ACYP2: variants seen among roughly 807,000 people sequenced by gnomAD.
ACYP2 encodes the protein acylphosphatase 2.
A neutral mutation model predicts 11.2 loss-of-function variants in ACYP2; 12 were observed. The observed-to-expected ratio is 1.08, with a 90% CI of 0.69 to 1.74. The LOEUF (loss-of-function observed/expected upper bound fraction) is 1.74. Ranked by LOEUF, ACYP2 falls within the 40% of genes most tolerant of loss-of-function variation. The probability of loss-of-function intolerance (pLI) is 0.00; values close to 1 mark genes in which losing one functional copy is unlikely to be tolerated. For synonymous variants in ACYP2, 43 were observed against 32.2 expected (o/e 1.33, Z -1.13); for missense variants, 134 against 101.9 (o/e 1.31, Z -1.35).
At chr2:54,097,379 T>C (rs914229580) in intron 4 of ACYP2, among the ~76,000 whole-genome samples, 1 of 152,248 alleles carries the variant, frequency 6.6e-6, no homozygotes, top group Non-Finnish European at 1.5e-5. Context: ...GTCTCATGCA[T>C]TGCAGGACTC....
At chr2:54,006,025 C>T (rs1573500477) in intron 2 of ACYP2, among the ~76,000 whole-genome samples, 1 of 151,586 alleles carries the variant, frequency 6.6e-6, no homozygotes, top group East Asian at 1.9e-4. Flanking sequence ...ACTCTGTCAC[C>T]CAGGTTGCAG....
chr2:53,980,831 A>G (rs961131739), intron 2 of ACYP2, among the ~76,000 whole-genome samples: 4 of 151,882 alleles, frequency 2.6e-5, no homozygotes, highest in African/African-American at 9.7e-5. Flanking sequence ...AGCTCACTGC[A>G]GGGTTAACCT....
At chr2:54,296,207 G>A (rs189451400) in intron 6 of ACYP2, among the ~76,000 whole-genome samples, 1 of 152,088 alleles carries the variant, frequency 6.6e-6, no homozygotes, top group Non-Finnish European at 1.5e-5. Flanking sequence ...TTTCACATAG[G>A]GGCAGTCAAA....
chr2:54,209,793 A>G (rs1461191264), intron 6 of ACYP2, among the ~76,000 whole-genome samples: 1 of 152,204 alleles, frequency 6.6e-6, no homozygotes, highest in African/African-American at 2.4e-5. Context: ...TTTGAAGTTG[A>G]GGAATAAAGC....
intron 6 of ACYP2, among the ~76,000 whole-genome samples, chr2:54,245,057 TA>T (rs1377896640): frequency 6.6e-6 from 1 of 152,162 alleles, no homozygotes; most frequent in Non-Finnish European, 1.5e-5. Context: ...TATCCTCTAG[TA>T]ACTTCTTTTC....
At position 54,114,786 on chromosome 2, in the gene ACYP2, C is replaced by T. The variant is rs754607864; in HGVS notation, c.278-20667C>T. Among the ~76,000 whole-genome samples the T allele has an allele frequency of 3.9e-5, 6 of 152,082 alleles. No individual in the cohort carries two copies. The East Asian group carries it at 1.2e-3, about 30-fold the overall frequency. ...CTGTTTCCACTAGCATAAAAGACTT[C>T]ATATTTTTAAAAAGTTTCTTATCCC... On this transcript the variant is annotated intron_variant, in intron 4 of 6. Coordinates refer to ENST00000607452, the MANE Select transcript of ACYP2 (RefSeq NM_001320586.2).
At chr2:54,266,475 C>T (rs1328697825) in intron 6 of ACYP2, among the ~76,000 whole-genome samples, 1 of 151,424 alleles carries the variant, frequency 6.6e-6, no homozygotes, top group African/African-American at 2.4e-5. Flanking sequence ...CCCTATAAAC[C>T]AGGTACTATC....
chr2:54,272,908 C>T lies in ACYP2; in HGVS notation c.405-31780C>T, dbSNP rs532090267. On this transcript the variant is annotated intron_variant, in intron 6 of 6. Coordinates refer to ENST00000607452, the MANE Select transcript of ACYP2 (RefSeq NM_001320586.2). Reference sequence around the variant, plus strand: ...CTAAAAATCTCACCATTTCACATTTCAAATGTGGAAGCTTCTATAAAGACT... The same window carrying T: ...CTAAAAATCTCACCATTTCACATTTTAAATGTGGAAGCTTCTATAAAGACT... 3.3e-5 allele frequency among the ~76,000 whole-genome samples: 5 copies of T among 152,318 alleles called. No individual in the cohort carries two copies. In the East Asian group the frequency reaches 9.6e-4, roughly 29 times the overall value.
intron 4 of ACYP2, among the ~76,000 whole-genome samples, chr2:54,095,719 T>C (rs1678513257): frequency 1.9e-5 from 2 of 104,298 alleles, no homozygotes; most frequent in Non-Finnish European, 3.9e-5. Context: ...GGCTCCTCAC[T>C]TCCCAGTAGG....
intron 6 of ACYP2, among the ~76,000 whole-genome samples, chr2:54,246,090 C>T (rs990084698): frequency 2.0e-5 from 3 of 152,048 alleles, no homozygotes; most frequent in Non-Finnish European, 2.9e-5. Flanking sequence ...TTAGTTTTCC[C>T]AGCACCATTT....
At chr2:54,136,226 A>G (rs952514337) in intron 5 of ACYP2, among the ~76,000 whole-genome samples, 1 of 152,122 alleles carries the variant, frequency 6.6e-6, no homozygotes, top group African/African-American at 2.4e-5. Flanking sequence ...CTTTTAGTAG[A>G]GACAGGGTTT....
chr2:54,155,680 C>G (rs999506076), intron 6 of ACYP2, among the ~76,000 whole-genome samples: 4 of 152,204 alleles, frequency 2.6e-5, no homozygotes, highest in African/African-American at 9.7e-5. Context: ...CCAAACTGGT[C>G]CCTGGTGCAT....
intron 4 of ACYP2, among the ~76,000 whole-genome samples, chr2:54,060,301 G>A (rs891169569): frequency 3.3e-5 from 5 of 151,234 alleles, no homozygotes; most frequent in African/African-American, 4.9e-5. Context: ...TTCTAGATTC[G>A]TTTGCTTTTA....
chr2:54,198,146 A>G (rs908661974), intron 6 of ACYP2, among the ~76,000 whole-genome samples: 2 of 151,980 alleles, frequency 1.3e-5, no homozygotes, highest in African/African-American at 4.8e-5. Flanking sequence ...TAGCCTCCCA[A>G]GTATCTGGGA....
chr2:54,007,024 C>G (rs1217328793), intron 2 of ACYP2, among the ~76,000 whole-genome samples: 2 of 149,434 alleles, frequency 1.3e-5, no homozygotes, highest in Non-Finnish European at 3.0e-5. Flanking sequence ...ACTCGGTAGG[C>G]TGAGGCAGGA....
At chr2:54,079,481 T>A (rs768463313) in intron 4 of ACYP2, among the ~76,000 whole-genome samples, 3 of 152,234 alleles carry the variant, frequency 2.0e-5, no homozygotes, top group Non-Finnish European at 4.4e-5. Context: ...GTCCCTCTCC[T>A]TCTGGATGGC....
chr2:54,047,692 T>C (rs1193289789), intron 2 of ACYP2, among the ~76,000 whole-genome samples: 1 of 152,246 alleles, frequency 6.6e-6, no homozygotes, highest in Admixed American at 6.5e-5. Context: ...CTTATTACTA[T>C]AATTAAAAGT....
chr2:54,079,888 CAAT>C (rs61458275), intron 4 of ACYP2: 16,417 of 152,080 alleles, frequency 0.11, 950 homozygotes, highest in East Asian at 0.26. Flanking sequence ...TCTAAAACAA[CAAT>C]AATATTTTAA....
At chr2:54,262,320 C>T (rs762785915) in intron 6 of ACYP2, among the ~76,000 whole-genome samples, 9 of 152,162 alleles carry the variant, frequency 5.9e-5, no homozygotes, top group Non-Finnish European at 1.0e-4. Context: ...ATACCAGACT[C>T]TTATTTTAAA....
Sources: gnomAD v4.1 joint callset for allele counts (sites outside exome capture counted in the v4.1 genomes callset) on GRCh38, gnomAD v4.1.1 for gene constraint, MANE v1.5 for transcripts, NCBI Gene and HGNC (gene_info 2026-07-23, HGNC 2026-07-21) for gene names.